CENPP: variants seen among roughly 807,000 people sequenced by gnomAD.
CENPP encodes the protein centromere protein P.
A neutral mutation model predicts 35.6 loss-of-function variants in CENPP; 24 were observed. The ratio of observed to expected loss-of-function variants is 0.67; its 90% confidence interval spans 0.49 to 0.95. The LOEUF is 0.95. Ranked by LOEUF, CENPP falls within the 40% of genes least tolerant of loss-of-function variation. CENPP has a pLI of 0.00. For synonymous variants in CENPP, 120 were observed against 125.5 expected (o/e 0.96, Z 0.29); for missense variants, 332 against 345.3 (o/e 0.96, Z 0.31).
At chr9:92,556,880 G>GT (rs1588273061) in intron 5 of CENPP, among the ~76,000 whole-genome samples, 1 of 151,846 alleles carries the variant, frequency 6.6e-6, no homozygotes, top group East Asian at 1.9e-4. Flanking sequence ...GGGTTTTTTT[G>GT]TTTTTTGCTT....
chr9:92,342,952 T>G (rs1253055224), intron 3 of CENPP, among the ~76,000 whole-genome samples: 1 of 152,162 alleles, frequency 6.6e-6, no homozygotes, highest in African/African-American at 2.4e-5. Flanking sequence ...ACTGAGCACA[T>G]TTTTACATTT....
In CENPP at chr9:92,618,308, C is replaced by T. The variant is rs764827048; in HGVS notation, c.*5159C>T. On this transcript the variant is annotated 3_prime_UTR_variant, in exon 8 of 8. Transcript: ENST00000375587. ...CCTTCAGGACATGCCCTCCCCTCCC[C>T]TCCTAGTGTCGTTTCTGCTGAGCAG... 5 of 456,754 alleles carry T rather than the reference C, an allele frequency of 1.1e-5. No homozygotes were observed. Among genetic ancestry groups the T allele is most frequent in the South Asian group, 7.7e-5 (5 of 64,568 alleles). 28.3% of individuals were successfully genotyped at this position (456,754 alleles called of 1,614,324 possible). A position where few individuals can be genotyped will look rare whatever the true frequency, so the allele number is the denominator to read the frequency against.
intron 3 of CENPP, among the ~76,000 whole-genome samples, chr9:92,343,911 T>C (rs1841198624): frequency 6.9e-6 from 1 of 144,736 alleles, no homozygotes; most frequent in Non-Finnish European, 1.5e-5. Context: ...CACAAAGAAC[T>C]GTGATTGAAC....
chr9:92,465,273 T>A (rs866094792), intron 5 of CENPP, among the ~76,000 whole-genome samples: 2 of 152,370 alleles, frequency 1.3e-5, no homozygotes, highest in African/African-American at 4.8e-5. Context: ...CACTTTGAAT[T>A]ACCATATCAG....
chr9:92,474,742 C>CTCATCA lies in CENPP; in HGVS notation c.564+94922_564+94927dup, dbSNP rs3078372. On this transcript the variant is annotated intron_variant, in intron 5 of 7. Transcript: ENST00000375587. ...CTCTTGTTGGAAAAAGAGAGTTGTC[C>CTCATCA]TCATCATCATCATCATCATCATCAT... 0.073 allele frequency: 111,573 copies of CTCATCA among 1,532,696 alleles called. 2,447 individuals are homozygous for CTCATCA. The highest frequency in any genetic ancestry group is 0.082 in the African/African-American group (5,768 of 70,212). The allele number at this position is 1,532,696 out of a possible 1,614,324, so 94.9% of individuals were successfully genotyped here.
intron 5 of CENPP, among the ~76,000 whole-genome samples, chr9:92,559,693 G>T (rs1849807106): frequency 1.3e-5 from 2 of 152,028 alleles, no homozygotes; most frequent in Admixed American, 6.6e-5. Flanking sequence ...TAGAGATGGG[G>T]TCTCACTATG....
intron 5 of CENPP, among the ~76,000 whole-genome samples, chr9:92,388,879 G>A (rs1427256964): frequency 6.7e-6 from 1 of 148,740 alleles, no homozygotes; most frequent in Non-Finnish European, 1.5e-5. Flanking sequence ...AGTCCTCTAA[G>A]AGTCCCTTAA....
intron 5 of CENPP, among the ~76,000 whole-genome samples, chr9:92,430,763 A>G (rs1844087393): frequency 6.6e-6 from 1 of 151,838 alleles, no homozygotes; most frequent in Admixed American, 6.6e-5. Context: ...TAGGACTATT[A>G]TGGTTTCTTT....
intron 2 of CENPP, 108 bp downstream of exon 2, chr9:92,332,459 A>T: frequency 1.3e-6 from 1 of 796,944 alleles, no homozygotes; most frequent in Non-Finnish European, 1.9e-6. Flanking sequence ...AAGTATTTGA[A>T]AGTATGGTTG....
intron 4 of CENPP, among the ~76,000 whole-genome samples, chr9:92,347,858 T>G (rs1233629979): frequency 2.0e-5 from 3 of 152,184 alleles, no homozygotes; most frequent in African/African-American, 4.8e-5. Flanking sequence ...CTCAGGGCAT[T>G]GTTACTATGT....
At chr9:92,358,158 CTTT>C (rs796727958) in intron 4 of CENPP, among the ~76,000 whole-genome samples, 1 of 142,874 alleles carries the variant, frequency 7.0e-6, no homozygotes, top group Non-Finnish European at 1.5e-5. Flanking sequence ...TTCTTCCTCT[CTTT>C]TTTTTTTTTT....
intron 5 of CENPP, chr9:92,500,675 T>A: frequency 6.5e-7 from 1 of 1,528,220 alleles, no homozygotes; most frequent in Non-Finnish European, 8.9e-7. Flanking sequence ...TGTTTTATCA[T>A]ATATTTTGCC....
chr9:92,424,262 G>A (rs2130975679), intron 5 of CENPP: 1 of 152,288 alleles, frequency 6.6e-6, no homozygotes, highest in African/African-American at 2.4e-5. Context: ...AAATGAATCA[G>A]AAATTCCTAA....
intron 5 of CENPP, among the ~76,000 whole-genome samples, chr9:92,422,054 C>CTT (rs58510878): frequency 1.0e-4 from 15 of 146,202 alleles, no homozygotes; most frequent in Non-Finnish European, 1.4e-4. Context: ...AACATATTAA[C>CTT]TTTTTTTTTT....
At chr9:92,336,112 C>T (rs569711300) in intron 2 of CENPP, among the ~76,000 whole-genome samples, 65 of 152,280 alleles carry the variant, frequency 4.3e-4, no homozygotes, top group African/African-American at 1.5e-3. Flanking sequence ...CTGTCTCTTA[C>T]GACATAGACA....
chr9:92,543,984 G>A (rs1455608561), intron 5 of CENPP, among the ~76,000 whole-genome samples: 3 of 152,162 alleles, frequency 2.0e-5, no homozygotes, highest in African/African-American at 4.8e-5. Context: ...TGCAAACAGA[G>A]AAAATGTACC....
intron 4 of CENPP, among the ~76,000 whole-genome samples, chr9:92,363,392 A>G (rs534235805): frequency 1.1e-4 from 16 of 152,194 alleles, no homozygotes; most frequent in Non-Finnish European, 2.4e-4. Context: ...ATTTTACTGT[A>G]CCTTTCCTAT....
chr9:92,546,642 C>G (rs903645090), intron 5 of CENPP, among the ~76,000 whole-genome samples: 1 of 152,200 alleles, frequency 6.6e-6, no homozygotes, highest in East Asian at 1.9e-4. Flanking sequence ...AAACTCTGGA[C>G]ACGCTGCCTT....
chr9:92,451,706 G>A (rs1328716832), intron 5 of CENPP, among the ~76,000 whole-genome samples: 11 of 148,802 alleles, frequency 7.4e-5, no homozygotes, highest in African/African-American at 9.8e-5. Context: ...CCATTTTCAC[G>A]ATATTGATTC....
Sources: gnomAD v4.1 joint callset for allele counts (sites outside exome capture counted in the v4.1 genomes callset) on GRCh38, gnomAD v4.1.1 for gene constraint, MANE v1.5 for transcripts, NCBI Gene and HGNC (gene_info 2026-07-23, HGNC 2026-07-21) for gene names.